Variants in MMS22L observed in about 807,000 individuals in gnomAD.
The protein encoded by MMS22L is MMS22 like, DNA repair protein.
In MMS22L, 74 loss-of-function variants were observed where a neutral mutation model predicts 159.1. The observed-to-expected ratio is 0.47, with a 90% CI of 0.39 to 0.56. The LOEUF is 0.56. Among genes scored for constraint, MMS22L ranks in the 20% least tolerant of loss-of-function variants. The probability of loss-of-function intolerance (pLI) is 0.00; values close to 1 mark genes in which losing one functional copy is unlikely to be tolerated. For synonymous variants in MMS22L, 517 were observed against 506.9 expected (o/e 1.02, Z -0.27); for missense variants, 1,351 against 1,422.1 (o/e 0.95, Z 0.80).
At chr6:97,184,924 C>T (rs147251026) in intron 15 of MMS22L, among the ~76,000 whole-genome samples, 118 of 152,234 alleles carry the variant, frequency 7.8e-4, no homozygotes, top group African/African-American at 2.6e-3. Flanking sequence ...CACAAACTAG[C>T]TCTCCATTAC....
At chr6:97,210,125 A>G (rs1418804401) in intron 14 of MMS22L, among the ~76,000 whole-genome samples, 1 of 151,942 alleles carries the variant, frequency 6.6e-6, no homozygotes, top group Non-Finnish European at 1.5e-5. Flanking sequence ...GAGCTGAATT[A>G]GGTACAAAAG....
At chr6:97,190,640 G>A (rs1404675232) in intron 14 of MMS22L, among the ~76,000 whole-genome samples, 2 of 152,110 alleles carry the variant, frequency 1.3e-5, no homozygotes, top group East Asian at 1.9e-4. Flanking sequence ...TATAAGCATC[G>A]TTTCTCACCC....
chr6:97,243,269 T>G (rs1007806575), intron 11 of MMS22L, among the ~76,000 whole-genome samples: 1 of 152,166 alleles, frequency 6.6e-6, no homozygotes, highest in African/African-American at 2.4e-5. Flanking sequence ...TTTGTTCATT[T>G]TTTTAAAAAA....
At chr6:97,229,449 A>G in intron 13 of MMS22L, 46 bp from the exon 14 acceptor site, 1 of 1,345,584 alleles carries the variant, frequency 7.4e-7, no homozygotes, top group Non-Finnish European at 9.9e-7. Flanking sequence ...TTCATTCACA[A>G]AAATCTGTAT....
intron 14 of MMS22L, among the ~76,000 whole-genome samples, chr6:97,187,043 T>G (rs2128281342): frequency 6.6e-6 from 1 of 152,162 alleles, no homozygotes; most frequent in East Asian, 1.9e-4. Context: ...TTAAAACAAT[T>G]TTCTCCTGAG....
chr6:97,210,459 A>T (rs187690943), intron 14 of MMS22L, among the ~76,000 whole-genome samples: 1 of 151,958 alleles, frequency 6.6e-6, no homozygotes, highest in African/African-American at 2.4e-5. Flanking sequence ...TCATTTATGT[A>T]TATGAAATTT....
chr6:97,261,675 A>G (rs919327769), intron 9 of MMS22L: 5 of 151,810 alleles, frequency 3.3e-5, no homozygotes, highest in African/African-American at 1.2e-4. Context: ...AGCATCCCTA[A>G]CTCCCACATT....
At position 97,185,648 on chromosome 6, in the gene MMS22L, G is replaced by C. The variant is rs181036698; in HGVS notation, c.2233+849C>G. On this transcript the variant is annotated intron_variant, in intron 15 of 24. Transcript: ENST00000683635. ...ATCGTAAAGTCCTAATTATAGAAGT[G>C]TTATCAGAATTCAAAATCTTTTCAA... 3.9e-5 allele frequency among the ~76,000 whole-genome samples: 6 copies of C among 152,208 alleles called. No individual in the cohort carries two copies. The East Asian group carries it at 9.6e-4, about 24-fold the overall frequency.
At chr6:97,174,516 T>G (rs975993127) in intron 18 of MMS22L, among the ~76,000 whole-genome samples, 10 of 152,030 alleles carry the variant, frequency 6.6e-5, no homozygotes, top group Admixed American at 1.3e-4. Flanking sequence ...AGAATGTTGG[T>G]AAGAGTAGCT....
rs959653043 is a variant in MMS22L, at chr6:97,263,416, C to T, written c.861G>A (p.Gln287=). Residue 287 remains glutamine, a synonymous_variant, in exon 9 of 25, where the codon CAG becomes CAA. Coordinates refer to ENST00000683635, the MANE Select transcript of MMS22L (RefSeq NM_001350599.2). ...VRSSESLMSD[Q]CPCLCIKELW... ...ATTCTTTAATGCATAAACATGGACA[C>T]TGGTCACTCATTAATGATTCAGAAG... 2 of 1,587,460 alleles carry T rather than the reference C, an allele frequency of 1.3e-6. No homozygotes were observed. The highest frequency in any genetic ancestry group is 2.7e-5 in the African/African-American group (2 of 73,200).
At chr6:97,236,535 A>C (rs764967184) in intron 11 of MMS22L, among the ~76,000 whole-genome samples, 3 of 152,174 alleles carry the variant, frequency 2.0e-5, no homozygotes, top group Non-Finnish European at 4.4e-5. Flanking sequence ...TGGCTTTTTC[A>C]TGGTTAAAAC....
rs147088449 is a variant in MMS22L, at chr6:97,216,645, T to C, written c.2039+12249A>G. Among the ~76,000 whole-genome samples the C allele has an allele frequency of 5.1e-3, 776 of 152,288 alleles. 6 individuals carry two copies. Among genetic ancestry groups the C allele is most frequent in the African/African-American group, 0.017 (722 of 41,554 alleles). The stretch of plus-strand genomic sequence containing the variant: ...ACTTACTATGACAGCCTGTCTTTGG[T>C]TTAAGAAACAGCACCGTGTGGTGCC... On this transcript the variant is annotated intron_variant, in intron 14 of 24. Coordinates refer to ENST00000683635, the MANE Select transcript of MMS22L (RefSeq NM_001350599.2).
Position 97,178,505 on chromosome 6 carries a change from C to A in MMS22L, c.2617G>T (p.Ala873Ser), listed in dbSNP as rs765282560. 1.3e-6 allele frequency: 2 copies of A among 1,589,224 alleles called. No homozygotes were observed. Among genetic ancestry groups the A allele is most frequent in the Admixed American group, 1.7e-5 (1 of 58,356 alleles). The part of the protein sequence containing the change: ...LSEVKSIFSK[A>S]QVEYLSISED... ...GAGATGGATAAATATTCAACTTGGG[C>A]CTTTGAGAAAATACTCTTTACTTCT... Residue 873 changes from alanine to serine, a missense_variant, in exon 18 of 25, where the codon GCC (alanine) becomes TCC (serine). By Grantham distance (99) the Ala-to-Ser change is moderately conservative. Transcript: ENST00000683635.
chr6:97,199,064 G>A lies in MMS22L; in HGVS notation c.2040-12374C>T, dbSNP rs192003307. Reference sequence around the variant, plus strand: ...TCTCACCATCCCAGCAGTCTTTTTCGAAAACAGTAGTACATAGTCACTGCT... The same window carrying A: ...TCTCACCATCCCAGCAGTCTTTTTCAAAAACAGTAGTACATAGTCACTGCT... On this transcript the variant is annotated intron_variant, in intron 14 of 24. Transcript: ENST00000683635. Among the ~76,000 whole-genome samples, 43 of 152,122 alleles carry A rather than the reference G, an allele frequency of 2.8e-4. No individual in the cohort carries two copies. The East Asian group carries it at 7.4e-3, about 26-fold the overall frequency.
intron 4 of MMS22L, among the ~76,000 whole-genome samples, chr6:97,277,857 T>C (rs936040375): frequency 6.6e-6 from 1 of 152,164 alleles, no homozygotes; most frequent in Non-Finnish European, 1.5e-5. Context: ...TTTTTCATAA[T>C]CTAATAAACC....
intron 14 of MMS22L, among the ~76,000 whole-genome samples, chr6:97,195,855 G>A (rs1372711390): frequency 6.6e-6 from 1 of 152,080 alleles, no homozygotes; most frequent in Non-Finnish European, 1.5e-5. Flanking sequence ...GAGCTAATGT[G>A]CATTTTCAGT....
chr6:97,161,729 A>C (rs1209562613), intron 22 of MMS22L, among the ~76,000 whole-genome samples: 2 of 152,050 alleles, frequency 1.3e-5, no homozygotes, highest in Admixed American at 1.3e-4. Flanking sequence ...GAGGTTAACA[A>C]ATCTAATCAA....
In MMS22L at chr6:97,144,716, G is replaced by A. The variant is rs80165687; in HGVS notation, c.*2090C>T. The stretch of plus-strand genomic sequence containing the variant: ...AAAGAGGGCAAGATTGTAGTAATAA[G>A]TGAAGGATCAGTGAAGATTTTAAAA... On this transcript the variant is annotated 3_prime_UTR_variant, in exon 25 of 25. Transcript: ENST00000683635. 7 of 151,856 alleles carry A rather than the reference G, an allele frequency of 4.6e-5. No homozygotes were observed. Among genetic ancestry groups the A allele is most frequent in the Non-Finnish European group, 8.8e-5 (6 of 67,974 alleles). 9.4% of individuals were successfully genotyped at this position (151,856 alleles called of 1,614,324 possible). A position where few individuals can be genotyped will look rare whatever the true frequency, so the allele number is the denominator to read the frequency against.
chr6:97,245,878 CACACACACACACAT>C (rs1279796493), intron 11 of MMS22L: 16 of 177,146 alleles, frequency 9.0e-5, no homozygotes, highest in South Asian at 1.5e-4. Flanking sequence ...CACACACACA[CACACACACACACAT>C]ATAAAGCAAT....
Sources: allele counts gnomAD v4.1 joint callset (sites outside exome capture counted in the v4.1 genomes callset), GRCh38; gene constraint gnomAD v4.1.1; transcripts MANE v1.5; gene names NCBI Gene and HGNC (gene_info 2026-07-23, HGNC 2026-07-21).